The following RBFOX3 variants were observed in gnomAD, a reference collection of about 807,000 sequenced individuals.
RBFOX3 encodes the protein RNA binding fox-1 homolog 3.
Under a neutral mutation model 48.7 loss-of-function variants are expected in RBFOX3, and 17 were observed. The ratio of observed to expected loss-of-function variants is 0.35; its 90% CI spans 0.24 to 0.52. The LOEUF is 0.52. RBFOX3 is among the 20% of genes least tolerant of loss of function. RBFOX3 has a pLI of 0.94. For synonymous variants in RBFOX3, 212 were observed against 209.5 expected (o/e 1.01, Z -0.10); for missense variants, 382 against 497.5 (o/e 0.77, Z 2.21).
chr17:79,435,235 G>A (rs1293496012), intron 2 of RBFOX3, among the ~76,000 whole-genome samples: 1 of 152,166 alleles, frequency 6.6e-6, no homozygotes, highest in Non-Finnish European at 1.5e-5. Context: ...TTCTCAGTTT[G>A]GAGTCTCTGT....
intron 1 of RBFOX3, among the ~76,000 whole-genome samples, chr17:79,503,141 A>G (rs1407233591): frequency 2.6e-5 from 4 of 152,200 alleles, no homozygotes; most frequent in African/African-American, 9.6e-5. Context: ...GTCTCCTGCT[A>G]TAAGGGCACT....
chr17:79,459,172 A>G (rs2075029190), intron 2 of RBFOX3, among the ~76,000 whole-genome samples: 1 of 152,112 alleles, frequency 6.6e-6, no homozygotes, highest in Admixed American at 6.5e-5. Flanking sequence ...GGCATGACTC[A>G]CAGGCCCAGG....
At chr17:79,128,249 G>A (rs2037843923) in intron 4 of RBFOX3, among the ~76,000 whole-genome samples, 1 of 152,202 alleles carries the variant, frequency 6.6e-6, no homozygotes, top group Non-Finnish European at 1.5e-5. Context: ...ACGTCCTCCT[G>A]GCATTGAGCA....
chr17:79,216,350 G>A lies in RBFOX3; in HGVS notation c.-34+19416C>T, dbSNP rs532337638. Among the ~76,000 whole-genome samples the A allele has an allele frequency of 3.7e-4, 57 of 152,356 alleles. No homozygotes were observed. The East Asian group carries it at 9.1e-3, about 24-fold the overall frequency. On this transcript the variant is annotated intron_variant, in intron 4 of 14. Transcript: ENST00000693108. Reference sequence around the variant, plus strand: ...AAGTGTACCCACCTGACGGAAGAAGGTGGAGACCATGGGGACCACGGAGCA... The same window carrying A: ...AAGTGTACCCACCTGACGGAAGAAGATGGAGACCATGGGGACCACGGAGCA...
At chr17:79,240,641 CTG>C (rs2062221362) in intron 3 of RBFOX3, among the ~76,000 whole-genome samples, 1 of 152,168 alleles carries the variant, frequency 6.6e-6, no homozygotes, top group Admixed American at 6.5e-5. Context: ...TTCTCCTGGT[CTG>C]TTTCACTTTA....
rs11285839 is a variant in RBFOX3 at position 79,205,838 on chromosome 17, CTTT to C, written c.-34+29925_-34+29927del. ...TCCATAAAGAGTCAAAAGCAGTTGG[CTTT>C]TTTTTTTTTTTTCCTTAAAGTAGTT... On this transcript the variant is annotated intron_variant, in intron 4 of 14. Transcript: ENST00000693108. The surrounding 1 kb of genome is among the most constrained non-coding windows in gnomAD (Gnocchi z 4.5). 6.1e-3 allele frequency among the ~76,000 whole-genome samples: 900 copies of C among 146,380 alleles called. 5 individuals carry two copies. Among genetic ancestry groups the C allele is most frequent in the Middle Eastern group, 0.021 (6 of 288 alleles).
At chr17:79,557,502 C>A (rs1488674152) in intron 1 of RBFOX3, among the ~76,000 whole-genome samples, 1 of 152,128 alleles carries the variant, frequency 6.6e-6, no homozygotes, top group Non-Finnish European at 1.5e-5. Context: ...AAAGAGACCA[C>A]GTCTGGGGCC....
At chr17:79,105,718 G>C (rs1231411509) in intron 6 of RBFOX3, among the ~76,000 whole-genome samples, 1 of 152,200 alleles carries the variant, frequency 6.6e-6, no homozygotes, top group Non-Finnish European at 1.5e-5. Flanking sequence ...GGTGGCATGA[G>C]GGGAGAGGCT....
At chr17:79,258,198 A>G (rs1316725853) in intron 3 of RBFOX3, among the ~76,000 whole-genome samples, 2 of 152,168 alleles carry the variant, frequency 1.3e-5, no homozygotes, top group African/African-American at 2.4e-5. Flanking sequence ...CGCGGTGAAT[A>G]GCTCAGCTAA....
chr17:79,605,621 C>T (rs1278838380), intron 1 of RBFOX3, among the ~76,000 whole-genome samples: 1 of 152,250 alleles, frequency 6.6e-6, no homozygotes, highest in Non-Finnish European at 1.5e-5. Flanking sequence ...AGAAAGCTCT[C>T]AGCACAGCCG....
At chr17:79,336,648 C>T (rs972680218) in intron 2 of RBFOX3, among the ~76,000 whole-genome samples, 4 of 152,152 alleles carry the variant, frequency 2.6e-5, no homozygotes, top group Admixed American at 2.0e-4. Context: ...CGGTGCTGTC[C>T]TCAGGCCCGA....
At chr17:79,430,017 G>A (rs1334169234) in intron 2 of RBFOX3, among the ~76,000 whole-genome samples, 2 of 152,156 alleles carry the variant, frequency 1.3e-5, no homozygotes, top group African/African-American at 4.8e-5. Context: ...GCAGGGGGCT[G>A]CCGAGGCGAG....
intron 4 of RBFOX3, among the ~76,000 whole-genome samples, chr17:79,179,439 T>C (rs1262901932): frequency 1.3e-5 from 2 of 152,154 alleles, no homozygotes; most frequent in African/African-American, 4.8e-5. Context: ...TCACCTTGAT[T>C]GAGCACACAC....
At chr17:79,275,193 TCC>T in intron 3 of RBFOX3, among the ~76,000 whole-genome samples, 1 of 81,800 alleles carries the variant, frequency 1.2e-5, no homozygotes, top group Non-Finnish European at 2.7e-5. Flanking sequence ...GGCCTCATGC[TCC>T]TCCCCTGGCC....
chr17:79,438,701 G>A (rs916658015), intron 2 of RBFOX3, among the ~76,000 whole-genome samples: 4 of 152,222 alleles, frequency 2.6e-5, no homozygotes, highest in South Asian at 4.1e-4. Flanking sequence ...CCTACAATCG[G>A]ACTAGGTCAG....
intron 2 of RBFOX3, among the ~76,000 whole-genome samples, chr17:79,426,459 T>C (rs537856685): frequency 6.6e-6 from 1 of 152,266 alleles, no homozygotes; most frequent in South Asian, 2.1e-4. Context: ...CCGGGAGCAC[T>C]CGCGACACAG....
chr17:79,512,520 C>T (rs1555781677), intron 1 of RBFOX3, among the ~76,000 whole-genome samples: 1 of 144,186 alleles, frequency 6.9e-6, no homozygotes, highest in Non-Finnish European at 1.5e-5. Flanking sequence ...GGGACACCCA[C>T]CCAGATACAT....
chr17:79,497,171 G>A (rs905140407), intron 1 of RBFOX3, among the ~76,000 whole-genome samples: 14 of 152,140 alleles, frequency 9.2e-5, no homozygotes, highest in African/African-American at 3.4e-4. Flanking sequence ...CATGACTCAA[G>A]GAACTTTCCT....
intron 1 of RBFOX3, among the ~76,000 whole-genome samples, chr17:79,539,424 C>T (rs2089343708): frequency 6.6e-6 from 1 of 152,164 alleles, no homozygotes; most frequent in Middle Eastern, 3.2e-3. Flanking sequence ...AGGCATCTGT[C>T]AATACTTTTG....
Sources: gnomAD v4.1 joint callset for allele counts (sites outside exome capture counted in the v4.1 genomes callset) on GRCh38, gnomAD v4.1.1 for gene constraint, Gnocchi (gnomAD v3.1) non-coding constraint, MANE v1.5 for transcripts, NCBI Gene and HGNC (gene_info 2026-07-23, HGNC 2026-07-21) for gene names.